MEF2A: variants seen among roughly 807,000 people sequenced by gnomAD.
The protein encoded by MEF2A is myocyte enhancer factor 2A.
A neutral mutation model predicts 55.8 loss-of-function variants in MEF2A; 28 were observed. That is an observed-to-expected ratio of 0.50 (90% CI 0.37 to 0.69). The LOEUF is 0.69. Ranked by LOEUF, MEF2A falls within the 30% of genes least tolerant of loss-of-function variation. The pLI is 0.00. For synonymous variants in MEF2A, 239 were observed against 227.1 expected, an observed-to-expected ratio of 1.05 and a Z score of -0.47; for missense variants, 528 against 626.2, an observed-to-expected ratio of 0.84 and a Z score of 1.67.
At chr15:99,585,455 G>T (rs1966889699) in intron 1 of MEF2A, among the ~76,000 whole-genome samples, 1 of 152,062 alleles carries the variant, frequency 6.6e-6, no homozygotes, top group Non-Finnish European at 1.5e-5. Flanking sequence ...AAATAAATCT[G>T]TTCTTTTAAG....
At chr15:99,710,896 G>A in intron 11 of MEF2A, 136 bp downstream of exon 11, 1 of 1,061,482 alleles carries the variant, frequency 9.4e-7, no homozygotes, top group Non-Finnish European at 1.3e-6. Context: ...AGATACAAGT[G>A]TCGGGAGAAA....
intron 8 of MEF2A, among the ~76,000 whole-genome samples, chr15:99,697,149 C>G (rs895359709): frequency 2.3e-4 from 35 of 152,002 alleles, no homozygotes; most frequent in Admixed American, 1.6e-3. Context: ...AAGGGGAAAG[C>G]ATTCAGTCTT....
intron 4 of MEF2A, among the ~76,000 whole-genome samples, chr15:99,659,291 T>C (rs1156723850): frequency 6.6e-6 from 1 of 152,092 alleles, no homozygotes; most frequent in African/African-American, 2.4e-5. Context: ...AGGTAGGGAA[T>C]CTTACTACCA....
Position 99,679,927 on chromosome 15 carries a change from C to T in MEF2A, c.670+4469C>T, listed in dbSNP as rs139635602. ...TTCAGAGAGAAAATGTATAGACACT[C>T]AACACTCACATTCATGCACAAACTA... is the stretch of plus-strand genomic sequence containing the variant. On this transcript the variant is annotated intron_variant, in intron 7 of 11. Transcript: ENST00000557942. 1.7e-3 allele frequency among the ~76,000 whole-genome samples: 266 copies of T among 152,286 alleles called. 1 individual carries two copies. The highest frequency in any genetic ancestry group is 6.2e-3 in the African/African-American group (259 of 41,564).
chr15:99,714,621 G>A lies in MEF2A; in HGVS notation c.*1850G>A, dbSNP rs2058976638. The A allele has an allele frequency of 1.3e-5, 2 of 152,248 alleles. No individual in the cohort carries two copies. Among genetic ancestry groups the A allele is most frequent in the East Asian group, 3.9e-4 (2 of 5,182 alleles). The allele number at this position is 152,248 out of a possible 1,614,324, so 9.4% of individuals were successfully genotyped here. A position where few individuals can be genotyped will look rare whatever the true frequency, so the allele number is the denominator to read the frequency against. On this transcript the variant is annotated 3_prime_UTR_variant, in exon 12 of 12. Coordinates refer to ENST00000557942, the MANE Select transcript of MEF2A (RefSeq NM_001319206.4). ...TCTTTCAGGAAGACAACTAATGGAT[G>A]ATAGCAAGTTCATCCACTTACTGGG...
Position 99,628,138 on chromosome 15 carries a change from G to A in MEF2A, c.-142-4840G>A, listed in dbSNP as rs1596584196. On this transcript the variant is annotated intron_variant, in intron 2 of 11. Transcript: ENST00000557942. ...GTTAGGTACACTCAGATTTAGAACTGATATGTCTTCCTGGTGAATTGAACT... is the reference window on the plus strand; with the variant it reads ...GTTAGGTACACTCAGATTTAGAACTAATATGTCTTCCTGGTGAATTGAACT... Among the ~76,000 whole-genome samples, 6 of 152,222 alleles carry A rather than the reference G, an allele frequency of 3.9e-5. 1 individual carries two copies. The highest frequency in any genetic ancestry group is 3.9e-4 in the Admixed American group (6 of 15,296).
chr15:99,569,293 T>C (rs1438309560), intron 1 of MEF2A, among the ~76,000 whole-genome samples: 1 of 152,236 alleles, frequency 6.6e-6, no homozygotes, highest in Non-Finnish European at 1.5e-5. Flanking sequence ...GCGTATTGCC[T>C]GATCTCCCTG....
intron 2 of MEF2A, among the ~76,000 whole-genome samples, chr15:99,618,234 A>G (rs907242705): frequency 2.6e-5 from 4 of 152,204 alleles, no homozygotes; most frequent in African/African-American, 9.6e-5. Flanking sequence ...ATCGAGAATC[A>G]CTTGTGTAGT....
intron 1 of MEF2A, among the ~76,000 whole-genome samples, chr15:99,567,288 GT>G (rs1960077934): frequency 6.6e-6 from 1 of 152,184 alleles, no homozygotes; most frequent in Admixed American, 6.5e-5. Flanking sequence ...AACAAACATT[GT>G]CTTAACATTT....
At chr15:99,710,072 A>G (rs975288632) in intron 10 of MEF2A, among the ~76,000 whole-genome samples, 1 of 152,164 alleles carries the variant, frequency 6.6e-6, no homozygotes, top group Admixed American at 6.5e-5. Context: ...AGGCATATTT[A>G]AAGTAACAAT....
intron 1 of MEF2A, among the ~76,000 whole-genome samples, chr15:99,572,338 G>A (rs954042945): frequency 6.6e-6 from 1 of 152,168 alleles, no homozygotes; most frequent in African/African-American, 2.4e-5. Context: ...ACACTTTGGA[G>A]TTTGGCCCAA....
chr15:99,661,459 A>G (rs2048626336), intron 4 of MEF2A, among the ~76,000 whole-genome samples: 1 of 151,428 alleles, frequency 6.6e-6, no homozygotes, highest in Non-Finnish European at 1.5e-5. Flanking sequence ...TATTTTTACA[A>G]TGTATAAAAT....
intron 2 of MEF2A, among the ~76,000 whole-genome samples, chr15:99,629,210 G>A (rs1250987222): frequency 6.6e-6 from 1 of 152,172 alleles, no homozygotes; most frequent in Non-Finnish European, 1.5e-5. Context: ...CGAGGCGGGT[G>A]GATCATGAGG....
At chr15:99,690,736 T>C in intron 8 of MEF2A, 1 of 473,886 alleles carries the variant, frequency 2.1e-6, no homozygotes. Flanking sequence ...CTCACTCATG[T>C]GGGACCTAAA....
At chr15:99,639,642 C>G (rs114568175) in intron 3 of MEF2A, among the ~76,000 whole-genome samples, 251 of 152,276 alleles carry the variant, frequency 1.6e-3, no homozygotes, top group African/African-American at 5.8e-3. Flanking sequence ...ACCATGTTTT[C>G]AAGTTGCTTT....
intron 1 of MEF2A, among the ~76,000 whole-genome samples, chr15:99,595,440 ACT>A: frequency 6.6e-6 from 1 of 152,182 alleles, no homozygotes; most frequent in South Asian, 2.1e-4. Flanking sequence ...TTCACCTTGT[ACT>A]ATAGGTCTCC....
chr15:99,692,337 C>T (rs778475725), intron 8 of MEF2A, among the ~76,000 whole-genome samples: 12 of 152,238 alleles, frequency 7.9e-5, no homozygotes, highest in Non-Finnish European at 1.6e-4. Context: ...ACTTTTTTAT[C>T]TGGTTATACA....
chr15:99,605,937 G>A (rs1490107210), intron 2 of MEF2A, among the ~76,000 whole-genome samples: 1 of 152,072 alleles, frequency 6.6e-6, no homozygotes. Context: ...GCCCTGTGTT[G>A]GATTTTAAAG....
intron 2 of MEF2A, among the ~76,000 whole-genome samples, chr15:99,622,776 C>T (rs2041430186): frequency 6.9e-6 from 1 of 145,532 alleles, no homozygotes; most frequent in African/African-American, 2.5e-5. Context: ...GATCTTGGCT[C>T]ACTGCAAGCT....
Sources: gnomAD v4.1 joint callset for allele counts (sites outside exome capture counted in the v4.1 genomes callset) on GRCh38, gnomAD v4.1.1 for gene constraint, MANE v1.5 for transcripts, NCBI Gene and HGNC (gene_info 2026-07-23, HGNC 2026-07-21) for gene names.